AGBL4: variants seen among roughly 807,000 people sequenced by gnomAD.
AGBL4 encodes AGBL carboxypeptidase 4, also known as cytosolic carboxypeptidase 6.
AGBL4 carries 58 observed loss-of-function variants against 66.4 expected under a neutral mutation model. That is an observed-to-expected ratio of 0.87 (90% CI 0.71 to 1.09). AGBL4 has a LOEUF of 1.09. Ranked by LOEUF, AGBL4 falls within the 50% of genes least tolerant of loss-of-function variation. The pLI is 0.00. For synonymous variants in AGBL4, 234 were observed against 222.9 expected (o/e 1.05, Z -0.44); for missense variants, 579 against 631.0 (o/e 0.92, Z 0.88).
At chr1:49,668,913 T>C (rs908186924) in intron 3 of AGBL4, among the ~76,000 whole-genome samples, 2 of 152,164 alleles carry the variant, frequency 1.3e-5, no homozygotes, top group Admixed American at 1.3e-4. Flanking sequence ...ACTGGGGTGG[T>C]TGGTGCTACC....
chr1:48,592,227 A>G (rs1042979522), intron 9 of AGBL4, among the ~76,000 whole-genome samples: 1 of 152,160 alleles, frequency 6.6e-6, no homozygotes, highest in Non-Finnish European at 1.5e-5. Flanking sequence ...AATGGCCAAC[A>G]CTAGAAACAG....
At chr1:49,475,553 C>T (rs1249247998) in intron 3 of AGBL4, among the ~76,000 whole-genome samples, 9 of 151,978 alleles carry the variant, frequency 5.9e-5, no homozygotes, top group African/African-American at 1.7e-4. Flanking sequence ...GAATCCATCT[C>T]GTCCAGGGCT....
intron 2 of AGBL4, among the ~76,000 whole-genome samples, chr1:49,788,639 A>G (rs1048888775): frequency 2.0e-5 from 3 of 152,162 alleles, no homozygotes; most frequent in Non-Finnish European, 4.4e-5. Context: ...AAATTTAAAA[A>G]TTCATGAAAT....
chr1:49,642,961 C>G (rs1645813309), intron 3 of AGBL4, among the ~76,000 whole-genome samples: 2 of 151,874 alleles, frequency 1.3e-5, no homozygotes, highest in African/African-American at 4.8e-5. Flanking sequence ...AAATACTACC[C>G]ACAGTGAGGG....
chr1:48,768,904 T>C (rs969596536), intron 6 of AGBL4, among the ~76,000 whole-genome samples: 7 of 152,306 alleles, frequency 4.6e-5, no homozygotes, highest in Admixed American at 6.5e-5. Context: ...TTTGTTTTTA[T>C]AAAATCCAAG....
chr1:49,407,999 T>A (rs1374881549), intron 3 of AGBL4, among the ~76,000 whole-genome samples: 2 of 152,186 alleles, frequency 1.3e-5, no homozygotes, highest in Admixed American at 1.3e-4. Flanking sequence ...GGTTACAGAA[T>A]TCTGAGGTCA....
In AGBL4 at chr1:49,460,395, T is replaced by C. The variant is rs538966145; in HGVS notation, c.283-214531A>G. On this transcript the variant is annotated intron_variant, in intron 3 of 13. Transcript: ENST00000371839. Reference sequence around the variant, plus strand: ...TGTTTTCAAGTTTTTTTGTCTGATATAAGAATAGCTATCCCTGTTCACATT... The same window carrying C: ...TGTTTTCAAGTTTTTTTGTCTGATACAAGAATAGCTATCCCTGTTCACATT... Among the ~76,000 whole-genome samples, 10 of 151,818 alleles carry C rather than the reference T, an allele frequency of 6.6e-5. No homozygotes were observed. The South Asian group carries it at 1.7e-3, about 25-fold the overall frequency.
chr1:49,760,052 T>C (rs1268237372), intron 2 of AGBL4, among the ~76,000 whole-genome samples: 3 of 152,200 alleles, frequency 2.0e-5, no homozygotes, highest in African/African-American at 4.8e-5. Context: ...TAATATAACA[T>C]TGCCAATGTA....
chr1:49,935,584 C>T (rs543331820), intron 1 of AGBL4, among the ~76,000 whole-genome samples: 2 of 152,310 alleles, frequency 1.3e-5, no homozygotes, highest in East Asian at 1.9e-4. Flanking sequence ...GGAGGCACCC[C>T]CCCAGTAGGG....
At chr1:49,864,176 A>ATGTT (rs1466883943) in intron 1 of AGBL4, among the ~76,000 whole-genome samples, 2 of 152,316 alleles carry the variant, frequency 1.3e-5, no homozygotes, top group African/African-American at 4.8e-5. Context: ...CAAACATTGC[A>ATGTT]TGTTCTCATT....
intron 3 of AGBL4, among the ~76,000 whole-genome samples, chr1:49,323,487 A>G: frequency 7.4e-6 from 1 of 135,848 alleles, no homozygotes; most frequent in African/African-American, 2.8e-5. Context: ...TGTAGAGACG[A>G]GGTTTCACCA....
intron 3 of AGBL4, among the ~76,000 whole-genome samples, chr1:49,315,496 C>G (rs1355836593): frequency 6.6e-6 from 1 of 152,104 alleles, no homozygotes; most frequent in African/African-American, 2.4e-5. Flanking sequence ...ATCTATCCAT[C>G]TGACAAAGGG....
intron 3 of AGBL4, among the ~76,000 whole-genome samples, chr1:49,629,441 GGGCCAA>G (rs1165393921): frequency 1.3e-5 from 2 of 152,022 alleles, no homozygotes; most frequent in East Asian, 3.9e-4. Flanking sequence ...CTTACGCCTT[GGGCCAA>G]GGACTTAATG....
chr1:49,109,080 C>T (rs761732522), intron 4 of AGBL4, among the ~76,000 whole-genome samples: 18 of 152,236 alleles, frequency 1.2e-4, no homozygotes, highest in Admixed American at 1.2e-3. Context: ...TTTCAAAAAA[C>T]TTTACCTAAA....
intron 1 of AGBL4, among the ~76,000 whole-genome samples, chr1:49,985,399 T>C (rs895608160): frequency 6.6e-6 from 1 of 152,194 alleles, no homozygotes; most frequent in Non-Finnish European, 1.5e-5. Flanking sequence ...AGGTAATTAT[T>C]AACTTTAGAG....
chr1:49,939,453 T>TA (rs1479741960), intron 1 of AGBL4, among the ~76,000 whole-genome samples: 1 of 151,962 alleles, frequency 6.6e-6, no homozygotes, highest in East Asian at 1.9e-4. Context: ...CTTCAAACTA[T>TA]ACTACAAGGC....
At chr1:49,067,523 TTC>T (rs1644513385) in intron 4 of AGBL4, among the ~76,000 whole-genome samples, 1 of 152,182 alleles carries the variant, frequency 6.6e-6, no homozygotes, top group African/African-American at 2.4e-5. Context: ...CCATTTACTG[TTC>T]TCTCTTTTGA....
chr1:49,544,029 T>C (rs878913568), intron 3 of AGBL4, among the ~76,000 whole-genome samples: 2 of 152,172 alleles, frequency 1.3e-5, no homozygotes, highest in South Asian at 4.1e-4. Context: ...ACGTGACATA[T>C]GTAGCATGAA....
At chr1:49,123,283 T>C (rs1456193673) in intron 4 of AGBL4, among the ~76,000 whole-genome samples, 1 of 152,216 alleles carries the variant, frequency 6.6e-6, no homozygotes, top group African/African-American at 2.4e-5. Context: ...AGAAACTTTC[T>C]CATGGAAAAG....
Sources: allele counts gnomAD v4.1 joint callset (sites outside exome capture counted in the v4.1 genomes callset), GRCh38; gene constraint gnomAD v4.1.1; transcripts MANE v1.5; gene names NCBI Gene and HGNC (gene_info 2026-07-23, HGNC 2026-07-21).